The following BRDT variants were observed in gnomAD, a reference collection of about 807,000 sequenced individuals.
The protein encoded by BRDT is bromodomain testis associated.
A neutral mutation model predicts 113.9 loss-of-function variants in BRDT; 77 were observed. The observed-to-expected ratio is 0.68, with a 90% confidence interval of 0.56 to 0.82. The LOEUF (loss-of-function observed/expected upper bound fraction) is 0.82. Among genes scored for constraint, BRDT ranks in the 40% least tolerant of loss-of-function variants. The probability of loss-of-function intolerance (pLI) is 0.00; values close to 1 mark genes in which losing one functional copy is unlikely to be tolerated. For missense variants in BRDT, 1,027 were observed against 1,105.4 expected, an observed-to-expected ratio of 0.93 and a Z score of 1.01; for synonymous variants, 358 against 366.5, an observed-to-expected ratio of 0.98 and a Z score of 0.26.
chr1:91,955,946 T>C (rs528390929), intron 1 of BRDT, among the ~76,000 whole-genome samples: 19 of 152,336 alleles, frequency 1.2e-4, no homozygotes, highest in African/African-American at 4.1e-4. Flanking sequence ...TTTAAGGCTG[T>C]TATTAAAATT....
intron 3 of BRDT, among the ~76,000 whole-genome samples, chr1:91,966,983 C>T (rs565837324): frequency 6.6e-6 from 1 of 152,134 alleles, no homozygotes; most frequent in South Asian, 2.1e-4. Flanking sequence ...GCAGGAGAAT[C>T]GCTTGAACCC....
At position 92,004,564 on chromosome 1, in the gene BRDT, C is replaced by A. The variant is rs201643747; in HGVS notation, c.2539C>A (p.Arg847=). The change falls in exon 17 of 19, where the codon CGG becomes AGG. Residue 847 remains arginine (R), a synonymous_variant. Coordinates refer to ENST00000399546, the MANE Select transcript of BRDT (RefSeq NM_207189.4). The stretch of plus-strand genomic sequence containing the variant: ...AAAAGCTCGGACACAGGAACTCATA[C>A]GGAAGCATTTGGAACAAAATACAAA... ...EVKARTQELI[R]KHLEQNTKEL... 4.3e-6 allele frequency: 7 copies of A among 1,612,374 alleles called. No individual in the cohort carries two copies. Among genetic ancestry groups the A allele is most frequent in the Non-Finnish European group, 5.1e-6 (6 of 1,179,464 alleles).
At chr1:91,978,327 T>G (rs775973183) in intron 7 of BRDT, 31 bp downstream of exon 7, 5 of 1,610,582 alleles carry the variant, frequency 3.1e-6, no homozygotes, top group Non-Finnish European at 4.2e-6. Context: ...TGAAGGTGTT[T>G]TTCCTCTGAA....
At chr1:91,980,492 C>A in intron 8 of BRDT, 151 bp from the exon 9 acceptor site, 1 of 636,182 alleles carries the variant, frequency 1.6e-6, no homozygotes, top group Non-Finnish European at 2.4e-6. Flanking sequence ...AAATTCAATG[C>A]ATTTGTGAAA....
intron 14 of BRDT, among the ~76,000 whole-genome samples, chr1:91,993,832 A>G (rs1166310812): frequency 3.9e-5 from 6 of 152,228 alleles, no homozygotes; most frequent in Non-Finnish European, 8.8e-5. Context: ...CTCATAACTA[A>G]GATCATAGGC....
chr1:91,968,039 G>A (rs912921654), intron 3 of BRDT, 107 bp from the exon 4 acceptor site: 57 of 1,093,274 alleles, frequency 5.2e-5, no homozygotes, highest in Non-Finnish European at 6.7e-5. Context: ...GATGAATACC[G>A]TCTAGGAGTA....
chr1:91,957,683 T>C (rs962325608), intron 1 of BRDT: 1 of 152,078 alleles, frequency 6.6e-6, no homozygotes, highest in Non-Finnish European at 1.5e-5. Context: ...TGGTGTACAT[T>C]CCATGAGTTT....
At chr1:91,978,413 G>C in intron 7 of BRDT, 117 bp downstream of exon 7, 1 of 1,155,308 alleles carries the variant, frequency 8.7e-7, no homozygotes. Context: ...AGTATTAAAT[G>C]GCAAAAACCA....
intron 17 of BRDT, 115 bp from the exon 18 acceptor site, chr1:92,005,004 A>T (rs1259576404): frequency 1.3e-6 from 1 of 796,276 alleles, no homozygotes; most frequent in Non-Finnish European, 1.8e-6. Flanking sequence ...AAATAATGTT[A>T]TAACATGAAC....
At chr1:91,967,124 T>G (rs1002812407) in intron 3 of BRDT, among the ~76,000 whole-genome samples, 3 of 152,222 alleles carry the variant, frequency 2.0e-5, no homozygotes, top group African/African-American at 7.2e-5. Flanking sequence ...GAGTCAGTGC[T>G]ACAGTGTTAT....
chr1:91,955,418 C>T (rs914295111), intron 1 of BRDT, among the ~76,000 whole-genome samples: 2 of 152,166 alleles, frequency 1.3e-5, no homozygotes, highest in Admixed American at 6.5e-5. Flanking sequence ...TGCTCCATGG[C>T]ACTCCAGCCT....
intron 15 of BRDT, among the ~76,000 whole-genome samples, chr1:92,000,133 C>T (rs1557860402): frequency 6.6e-6 from 1 of 152,346 alleles, no homozygotes; most frequent in East Asian, 1.9e-4. Context: ...CCGCCTTGGC[C>T]TCCCAAAGTG....
chr1:91,992,815 C>T (rs981765955), intron 14 of BRDT, among the ~76,000 whole-genome samples: 1 of 152,138 alleles, frequency 6.6e-6, no homozygotes, highest in Admixed American at 6.5e-5. Context: ...GGATTACAGG[C>T]GTGAGCCACC....
At chr1:91,969,101 T>C (rs1683361982) in intron 4 of BRDT, among the ~76,000 whole-genome samples, 1 of 151,918 alleles carries the variant, frequency 6.6e-6, no homozygotes, top group African/African-American at 2.4e-5. Flanking sequence ...CACGCCCTGC[T>C]AATTTTTTGT....
chr1:92,002,194 A>G, intron 16 of BRDT, 45 bp downstream of exon 16: 2 of 1,415,552 alleles, frequency 1.4e-6, no homozygotes, highest in Non-Finnish European at 2.0e-6. Flanking sequence ...AGGGATTTGA[A>G]ATTGGGTTTG....
chr1:91,970,145 T>C (rs953682168), intron 4 of BRDT, among the ~76,000 whole-genome samples: 2 of 152,030 alleles, frequency 1.3e-5, no homozygotes, highest in African/African-American at 4.8e-5. Context: ...TTAAGTTTTT[T>C]GTTAGAAATA....
At chr1:91,979,795 G>A in intron 8 of BRDT, 38 bp downstream of exon 8, 3 of 1,553,610 alleles carry the variant, frequency 1.9e-6, no homozygotes, top group Non-Finnish European at 2.6e-6. Context: ...GATAATCTAT[G>A]AGCTGCTAAT....
chr1:91,975,458 A>G (rs1684045964), intron 4 of BRDT, among the ~76,000 whole-genome samples: 1 of 152,136 alleles, frequency 6.6e-6, no homozygotes, highest in South Asian at 2.1e-4. Context: ...TAGACTATAG[A>G]GGACCGAAGC....
chr1:91,953,663 G>T (rs367859437), intron 1 of BRDT, among the ~76,000 whole-genome samples: 2 of 152,148 alleles, frequency 1.3e-5, no homozygotes, highest in African/African-American at 4.8e-5. Context: ...CTGGGTGACA[G>T]CAAGAAAAAG....
Sources: gnomAD v4.1 joint callset for allele counts (sites outside exome capture counted in the v4.1 genomes callset) on GRCh38, gnomAD v4.1.1 for gene constraint, MANE v1.5 for transcripts, NCBI Gene and HGNC (gene_info 2026-07-23, HGNC 2026-07-21) for gene names.